Variants in TMEM273 observed in about 807,000 individuals in gnomAD.
TMEM273 encodes transmembrane protein 273.
Under a neutral mutation model 17.9 loss-of-function variants are expected in TMEM273, and 19 were observed. The ratio of observed to expected loss-of-function variants is 1.06; its 90% CI spans 0.74 to 1.55. The LOEUF is 1.55. Among genes scored for constraint, TMEM273 ranks in the 40% most tolerant of loss-of-function variants. The pLI is 0.00. For missense variants in TMEM273, 194 were observed against 155.6 expected (o/e 1.25, Z -1.31); for synonymous variants, 66 against 62.0 (o/e 1.07, Z -0.31).
intron 1 of TMEM273, among the ~76,000 whole-genome samples, chr10:49,184,319 A>C (rs964771644): frequency 6.6e-6 from 1 of 152,256 alleles, no homozygotes; most frequent in Non-Finnish European, 1.5e-5. Context: ...ATGTGATTAC[A>C]TCACGCTGAA....
At chr10:49,179,670 A>T (rs569460265) in intron 1 of TMEM273, among the ~76,000 whole-genome samples, 1 of 152,336 alleles carries the variant, frequency 6.6e-6, no homozygotes, top group South Asian at 2.1e-4. Flanking sequence ...CTGGCTAGGC[A>T]CCTTCAGAAC....
intron 1 of TMEM273, among the ~76,000 whole-genome samples, chr10:49,176,273 G>A (rs1846960270): frequency 6.6e-6 from 1 of 152,216 alleles, no homozygotes; most frequent in Non-Finnish European, 1.5e-5. Flanking sequence ...AGCACACCGG[G>A]AGGCACTCTG....
At chr10:49,185,510 C>T (rs935503261) in intron 1 of TMEM273, among the ~76,000 whole-genome samples, 6 of 152,094 alleles carry the variant, frequency 3.9e-5, no homozygotes, top group South Asian at 2.1e-4. Flanking sequence ...GCTCTAGGCC[C>T]CTTTCTCCAG....
chr10:49,163,319 G>A (rs1361872945), intron 5 of TMEM273, among the ~76,000 whole-genome samples: 1 of 151,950 alleles, frequency 6.6e-6, no homozygotes, highest in Non-Finnish European at 1.5e-5. Flanking sequence ...GAGAGAGAGA[G>A]AGAGAGAGAG....
intron 1 of TMEM273, 78 bp from the exon 2 acceptor site, chr10:49,168,040 GA>G: frequency 1.3e-6 from 2 of 1,574,730 alleles, no homozygotes; most frequent in Non-Finnish European, 8.7e-7. Flanking sequence ...AGAGGCCTGG[GA>G]AAGCCTACCC....
chr10:49,174,458 A>T (rs1265957381), intron 1 of TMEM273, among the ~76,000 whole-genome samples: 1 of 152,180 alleles, frequency 6.6e-6, no homozygotes, highest in African/African-American at 2.4e-5. Context: ...GAGTCTAGAC[A>T]CTTCTAGACC....
chr10:49,177,543 C>T (rs1007873146), intron 1 of TMEM273, among the ~76,000 whole-genome samples: 3 of 152,240 alleles, frequency 2.0e-5, no homozygotes, highest in African/African-American at 4.8e-5. Flanking sequence ...ACAGTGGCCT[C>T]TTTTCATGGG....
At chr10:49,170,223 T>C (rs571590124) in intron 1 of TMEM273, among the ~76,000 whole-genome samples, 11 of 152,298 alleles carry the variant, frequency 7.2e-5, no homozygotes, top group South Asian at 6.2e-4. Flanking sequence ...CAGACCATCA[T>C]TGGGAGGGAA....
intron 3 of TMEM273, 50 bp downstream of exon 3, chr10:49,166,819 G>C (rs377475241): frequency 6.2e-7 from 1 of 1,608,440 alleles, no homozygotes; most frequent in South Asian, 1.1e-5. Context: ...AGTGGCCCTC[G>C]GTGCCTCGCT....
intron 1 of TMEM273, among the ~76,000 whole-genome samples, chr10:49,175,403 C>T (rs534551442): frequency 1.1e-4 from 17 of 152,288 alleles, no homozygotes; most frequent in African/African-American, 3.6e-4. Flanking sequence ...CAGGAGGCCA[C>T]GGAGGGCCAT....
chr10:49,162,414 T>C (rs1845904869), intron 5 of TMEM273, among the ~76,000 whole-genome samples: 1 of 152,154 alleles, frequency 6.6e-6, no homozygotes, highest in African/African-American at 2.4e-5. Flanking sequence ...CTTTGTGAAA[T>C]TTCATTCTAT....
chr10:49,166,848 C>T (rs762207574), intron 3 of TMEM273, 21 bp downstream of exon 3: 28 of 1,612,464 alleles, frequency 1.7e-5, no homozygotes, highest in Non-Finnish European at 2.3e-5. Flanking sequence ...CAGAGCCAGG[C>T]CCGAGCACCA....
At chr10:49,171,160 C>G (rs940792889) in intron 1 of TMEM273, among the ~76,000 whole-genome samples, 1 of 152,254 alleles carries the variant, frequency 6.6e-6, no homozygotes, top group Admixed American at 6.5e-5. Context: ...TGAGGTAAGG[C>G]TGTGTGAAAC....
rs559984487 is a variant in TMEM273, at chr10:49,161,349, C to T, written c.372+250G>A. 1.2e-4 allele frequency: 71 copies of T among 568,410 alleles called. 1 individual carries two copies. The highest frequency in any genetic ancestry group is 9.3e-4 in the African/African-American group (50 of 53,538). 35.2% of individuals were successfully genotyped at this position (568,410 alleles called of 1,614,324 possible). A position where few individuals can be genotyped will look rare whatever the true frequency, so the allele number is the denominator to read the frequency against. On this transcript the variant is annotated intron_variant, in intron 6 of 6. Coordinates refer to ENST00000374153, the MANE Select transcript of TMEM273 (RefSeq NM_001288740.3). Reference sequence around the variant, plus strand: ...AAAAGTTTACCTATCCTGTTAAAACCATTTTCTCAGCTCTAACTGGGCAAA... The same window carrying T: ...AAAAGTTTACCTATCCTGTTAAAACTATTTTCTCAGCTCTAACTGGGCAAA...
At chr10:49,162,476 G>A (rs1332717525) in intron 5 of TMEM273, among the ~76,000 whole-genome samples, 2 of 152,186 alleles carry the variant, frequency 1.3e-5, no homozygotes, top group Non-Finnish European at 2.9e-5. Context: ...TCAAGGTCTG[G>A]CGATTTGCAA....
In TMEM273 at chr10:49,155,862, C is replaced by G. The variant is rs1280227588; in HGVS notation, c.*30G>C. On this transcript the variant is annotated 3_prime_UTR_variant, in exon 7 of 7. Coordinates refer to ENST00000374153, the MANE Select transcript of TMEM273 (RefSeq NM_001288740.3). Reference sequence around the variant, plus strand: ...TGGGCTGTTTTCCACGGGGCTAGAACCCCTCTTCACGTCACTGCTCACCTA... The same window carrying G: ...TGGGCTGTTTTCCACGGGGCTAGAAGCCCTCTTCACGTCACTGCTCACCTA... 1 of 1,614,164 alleles carries G rather than the reference C, an allele frequency of 6.2e-7. No homozygotes were observed. The highest frequency in any genetic ancestry group is 8.5e-7 in the Non-Finnish European group (1 of 1,180,028).
intron 5 of TMEM273, among the ~76,000 whole-genome samples, 172 bp from the exon 6 acceptor site, chr10:49,161,794 T>A (rs549282413): frequency 2.6e-5 from 4 of 152,328 alleles, no homozygotes; most frequent in African/African-American, 7.2e-5. Flanking sequence ...ACTCGAATCC[T>A]GCTTCTCCTC....
At chr10:49,177,801 A>G (rs2132248690) in intron 1 of TMEM273, among the ~76,000 whole-genome samples, 1 of 152,338 alleles carries the variant, frequency 6.6e-6, no homozygotes, top group East Asian at 1.9e-4. Context: ...CTTGCCACAC[A>G]GCCCTGGCCT....
At chr10:49,178,436 G>A in intron 1 of TMEM273, 2 of 389,758 alleles carry the variant, frequency 5.1e-6, no homozygotes, top group Non-Finnish European at 1.0e-5. Flanking sequence ...ACAGAGGGGA[G>A]TGGGAGTATC....
Sources: gnomAD v4.1 joint callset for allele counts (sites outside exome capture counted in the v4.1 genomes callset) on GRCh38, gnomAD v4.1.1 for gene constraint, MANE v1.5 for transcripts, NCBI Gene and HGNC (gene_info 2026-07-23, HGNC 2026-07-21) for gene names.